ELOVL6: variants seen among roughly 807,000 people sequenced by gnomAD.
ELOVL6 encodes very long chain fatty acid elongase 6.
ELOVL6 carries 8 observed loss-of-function variants against 31.7 expected under a neutral mutation model. The ratio of observed to expected loss-of-function variants is 0.25; its 90% confidence interval spans 0.15 to 0.45. The LOEUF (loss-of-function observed/expected upper bound fraction) is 0.45. ELOVL6 is among the 20% of genes least tolerant of loss of function. The pLI is 1.00. For missense variants in ELOVL6, 126 were observed against 326.4 expected (o/e 0.39, Z 4.73); for synonymous variants, 101 against 117.7 (o/e 0.86, Z 0.92).
chr4:110,087,385 GA>G (rs1191503034), intron 2 of ELOVL6, among the ~76,000 whole-genome samples: 4 of 152,136 alleles, frequency 2.6e-5, no homozygotes, highest in Admixed American at 1.3e-4. Context: ...AGTCACTTCT[GA>G]GGAAATTACT....
chr4:110,196,662 A>G (rs927189324), intron 1 of ELOVL6, among the ~76,000 whole-genome samples: 29 of 152,076 alleles, frequency 1.9e-4, no homozygotes, highest in African/African-American at 6.5e-4. Flanking sequence ...AGTCCTTCCG[A>G]GCGGCCCGCG....
At chr4:110,059,000 C>T (rs997375929) in intron 3 of ELOVL6, among the ~76,000 whole-genome samples, 3 of 152,162 alleles carry the variant, frequency 2.0e-5, no homozygotes, top group Admixed American at 2.0e-4. Context: ...ACATTCAAGA[C>T]CATTCAAGGG....
intron 2 of ELOVL6, among the ~76,000 whole-genome samples, chr4:110,090,134 A>G (rs182611104): frequency 2.6e-5 from 4 of 152,348 alleles, no homozygotes; most frequent in African/African-American, 7.2e-5. Context: ...CCAGGCACCA[A>G]TGAATGATGT....
At chr4:110,113,559 A>G (rs1294957664) in intron 1 of ELOVL6, among the ~76,000 whole-genome samples, 1 of 152,222 alleles carries the variant, frequency 6.6e-6, no homozygotes, top group Non-Finnish European at 1.5e-5. Context: ...CCTGGGCGAC[A>G]GAGTGAGACC....
rs967192489 is a variant in ELOVL6 at position 110,100,852 on chromosome 4, T to C, written c.221+4645A>G. 2.0e-5 allele frequency among the ~76,000 whole-genome samples: 3 copies of C among 152,208 alleles called. 1 individual carries two copies. The highest frequency in any genetic ancestry group is 7.2e-5 in the African/African-American group (3 of 41,454). On this transcript the variant is annotated intron_variant, in intron 2 of 3. Coordinates refer to ENST00000302274, the MANE Select transcript of ELOVL6 (RefSeq NM_024090.3). The stretch of plus-strand genomic sequence containing the variant: ...TGCAGACCATCTAATAGAGGAACTA[T>C]CTCCTGAGCAAAGAATTTCTATATT...
At chr4:110,093,990 T>C (rs1756493478) in intron 2 of ELOVL6, among the ~76,000 whole-genome samples, 1 of 151,854 alleles carries the variant, frequency 6.6e-6, no homozygotes. Context: ...GTGGCTCACG[T>C]CTGTAATCCC....
At chr4:110,135,336 C>G (rs776668248) in intron 1 of ELOVL6, among the ~76,000 whole-genome samples, 2 of 152,154 alleles carry the variant, frequency 1.3e-5, no homozygotes, top group Non-Finnish European at 2.9e-5. Flanking sequence ...TAAAGAAATG[C>G]AGCACATACT....
At chr4:110,060,169 C>G (rs1309321669) in intron 2 of ELOVL6, 1 of 154,678 alleles carries the variant, frequency 6.5e-6, no homozygotes, top group Admixed American at 6.5e-5. Context: ...GGCTCTATTT[C>G]CTGAAAACCT....
At chr4:110,162,008 G>C (rs1469669633) in intron 1 of ELOVL6, among the ~76,000 whole-genome samples, 1 of 152,286 alleles carries the variant, frequency 6.6e-6, no homozygotes, top group East Asian at 1.9e-4. Context: ...GAGCACACTG[G>C]CTATCCGCAG....
chr4:110,141,579 G>A (rs1006252738), intron 1 of ELOVL6, among the ~76,000 whole-genome samples: 12 of 151,556 alleles, frequency 7.9e-5, no homozygotes, highest in African/African-American at 1.2e-4. Context: ...GGGGAGGGGC[G>A]ATCCTAACCT....
chr4:110,120,178 T>C (rs1174310803), intron 1 of ELOVL6, among the ~76,000 whole-genome samples: 1 of 152,116 alleles, frequency 6.6e-6, no homozygotes, highest in Non-Finnish European at 1.5e-5. Context: ...GCACACACCA[T>C]GTGGATAGGT....
At chr4:110,177,982 C>T (rs1195604435) in intron 1 of ELOVL6, among the ~76,000 whole-genome samples, 1 of 152,072 alleles carries the variant, frequency 6.6e-6, no homozygotes, top group Non-Finnish European at 1.5e-5. Context: ...TACTATTATT[C>T]AGTATATTTT....
At chr4:110,074,468 T>C (rs1755575087) in intron 2 of ELOVL6, among the ~76,000 whole-genome samples, 1 of 152,174 alleles carries the variant, frequency 6.6e-6, no homozygotes, top group South Asian at 2.1e-4. Flanking sequence ...GAACATTTTA[T>C]ATGTGCCAGG....
chr4:110,074,775 C>T lies in ELOVL6; in HGVS notation c.222-15021G>A, dbSNP rs114897349. Among the ~76,000 whole-genome samples the T allele has an allele frequency of 6.5e-3, 983 of 152,192 alleles. 12 individuals carry two copies. The highest frequency in any genetic ancestry group is 0.021 in the African/African-American group (882 of 41,532). On this transcript the variant is annotated intron_variant, in intron 2 of 3. Transcript: ENST00000302274. ...AGGCAGGAAGAACTCAATAATATGA[C>T]GACACTTGAGCAGAGGCATCAAGGA...
chr4:110,174,644 T>C (rs1251687178), intron 1 of ELOVL6, among the ~76,000 whole-genome samples: 4 of 152,200 alleles, frequency 2.6e-5, no homozygotes, highest in Admixed American at 6.5e-5. Flanking sequence ...ATTCCTATAA[T>C]GTCAACACAC....
intron 2 of ELOVL6, among the ~76,000 whole-genome samples, chr4:110,076,959 G>C (rs1024764905): frequency 6.6e-6 from 1 of 152,326 alleles, no homozygotes; most frequent in Middle Eastern, 3.4e-3. Context: ...GGCTCGGAGG[G>C]TCCTACGCCC....
intron 1 of ELOVL6, among the ~76,000 whole-genome samples, chr4:110,142,615 A>G (rs1757995682): frequency 6.6e-6 from 1 of 152,216 alleles, no homozygotes; most frequent in Non-Finnish European, 1.5e-5. Context: ...CAATAGTAAG[A>G]ATGAACTCTT....
intron 1 of ELOVL6, among the ~76,000 whole-genome samples, chr4:110,188,876 T>G: frequency 7.3e-6 from 1 of 136,466 alleles, no homozygotes; most frequent in Non-Finnish European, 1.6e-5. Context: ...GCAACAAGAG[T>G]GAAACTCGGT....
At chr4:110,086,791 C>G (rs911515477) in intron 2 of ELOVL6, among the ~76,000 whole-genome samples, 41 of 152,108 alleles carry the variant, frequency 2.7e-4, no homozygotes, top group African/African-American at 9.7e-4. Flanking sequence ...TGTTTTAAAA[C>G]ACAACATTAG....
Sources: allele counts gnomAD v4.1 joint callset (sites outside exome capture counted in the v4.1 genomes callset), GRCh38; gene constraint gnomAD v4.1.1; transcripts MANE v1.5; gene names NCBI Gene and HGNC (gene_info 2026-07-23, HGNC 2026-07-21).